The following ASCC1 variants were observed in gnomAD, a reference collection of about 807,000 sequenced individuals.
The protein encoded by ASCC1 is ASC-1 complex subunit P50.
ASCC1 carries 35 observed loss-of-function variants against 46.6 expected under a neutral mutation model. The observed-to-expected ratio is 0.75, with a 90% CI of 0.57 to 0.99. The LOEUF (loss-of-function observed/expected upper bound fraction) is 0.99, where lower values mean the gene tolerates loss of function less well. Among genes scored for constraint, ASCC1 ranks in the 50% least tolerant of loss-of-function variants. ASCC1 has a pLI of 0.00. For synonymous variants in ASCC1, 143 were observed against 146.6 expected (o/e 0.98, Z 0.18); for missense variants, 376 against 428.7 (o/e 0.88, Z 1.09).
At chr10:72,165,908 T>C (rs1850278626) in intron 5 of ASCC1, among the ~76,000 whole-genome samples, 3 of 152,326 alleles carry the variant, frequency 2.0e-5, no homozygotes, top group Admixed American at 2.0e-4. Flanking sequence ...GCAATAACGG[T>C]AATATTTGTT....
At chr10:72,128,902 A>G (rs1034378957) in intron 8 of ASCC1, among the ~76,000 whole-genome samples, 1 of 152,256 alleles carries the variant, frequency 6.6e-6, no homozygotes, top group Admixed American at 6.5e-5. Flanking sequence ...GAGAGTCCAG[A>G]GTACAAAAAA....
chr10:72,199,121 G>A (rs1334862078), intron 4 of ASCC1, among the ~76,000 whole-genome samples: 2 of 149,598 alleles, frequency 1.3e-5, no homozygotes, highest in Non-Finnish European at 3.0e-5. Flanking sequence ...AGCTAATTTT[G>A]TATGTTTATT....
chr10:72,096,392 A>T lies in ASCC1; in HGVS notation c.*942T>A. The T allele has an allele frequency of 2.2e-6, 1 of 454,130 alleles. No homozygotes were observed. Among genetic ancestry groups the T allele is most frequent in the Non-Finnish European group, 4.4e-6 (1 of 226,800 alleles). 28.1% of individuals were successfully genotyped at this position (454,130 alleles called of 1,614,324 possible). A position where few individuals can be genotyped will look rare whatever the true frequency, so the allele number is the denominator to read the frequency against. On this transcript the variant is annotated 3_prime_UTR_variant, in exon 10 of 10. Transcript: ENST00000672957. Reference sequence around the variant, plus strand: ...TGCTGCTGCCTTGAAAAGTAAACAAAAAAGGGCTGCAACACTGCAACTCCA... The same window carrying T: ...TGCTGCTGCCTTGAAAAGTAAACAATAAAGGGCTGCAACACTGCAACTCCA...
chr10:72,111,158 G>A (rs1221334072), intron 9 of ASCC1, among the ~76,000 whole-genome samples: 2 of 152,050 alleles, frequency 1.3e-5, no homozygotes, highest in Non-Finnish European at 2.9e-5. Context: ...TATCATCTCC[G>A]TGCATGTCAC....
chr10:72,204,335 C>G, intron 3 of ASCC1: 1 of 1,508,304 alleles, frequency 6.6e-7, no homozygotes, highest in Non-Finnish European at 9.0e-7. Flanking sequence ...ACAGCCAACT[C>G]TCGACTACCC....
intron 5 of ASCC1, among the ~76,000 whole-genome samples, chr10:72,175,713 C>A (rs556018131): frequency 6.6e-6 from 1 of 152,316 alleles, no homozygotes; most frequent in South Asian, 2.1e-4. Context: ...CATCTCCCCT[C>A]ACTAAAGGAT....
At chr10:72,194,988 C>T (rs1268304613) in intron 5 of ASCC1, among the ~76,000 whole-genome samples, 1 of 151,892 alleles carries the variant, frequency 6.6e-6, no homozygotes, top group East Asian at 1.9e-4. Flanking sequence ...GTGATCAACC[C>T]ACCTCAGCCT....
At chr10:72,157,833 G>C (rs899835728) in intron 6 of ASCC1, among the ~76,000 whole-genome samples, 1 of 152,154 alleles carries the variant, frequency 6.6e-6, no homozygotes, top group African/African-American at 2.4e-5. Context: ...ACTAAGTGGT[G>C]TATTTCTTTT....
intron 9 of ASCC1, among the ~76,000 whole-genome samples, chr10:72,112,855 G>A (rs1209432887): frequency 1.4e-5 from 2 of 139,890 alleles, no homozygotes; most frequent in African/African-American, 5.3e-5. Flanking sequence ...CCCAGCCTGG[G>A]CAACAGAGCT....
At chr10:72,190,523 C>T (rs1458601602) in intron 5 of ASCC1, 18 of 1,561,550 alleles carry the variant, frequency 1.2e-5, no homozygotes, top group Non-Finnish European at 1.5e-5. Flanking sequence ...TGGTGGTTCT[C>T]GCAGGGCAGC....
chr10:72,119,265 T>C (rs1316294118), intron 9 of ASCC1, among the ~76,000 whole-genome samples: 1 of 152,232 alleles, frequency 6.6e-6, no homozygotes, highest in African/African-American at 2.4e-5. Context: ...TTCTGAAATA[T>C]GCCAGACCAC....
intron 7 of ASCC1, chr10:72,133,646 C>A: frequency 4.4e-6 from 1 of 229,512 alleles, no homozygotes; most frequent in Admixed American, 5.2e-5. Flanking sequence ...AGAAAAGGGA[C>A]AATGGAGATG....
At chr10:72,109,294 G>A (rs565485851) in intron 9 of ASCC1, among the ~76,000 whole-genome samples, 12 of 152,242 alleles carry the variant, frequency 7.9e-5, no homozygotes, top group East Asian at 1.9e-4. Flanking sequence ...CAACCCATCA[G>A]CAGGCCACTC....
chr10:72,214,077 G>C (rs1858635168), intron 1 of ASCC1, among the ~76,000 whole-genome samples: 1 of 151,738 alleles, frequency 6.6e-6, no homozygotes, highest in Admixed American at 6.6e-5. Context: ...AAAGGGCCAG[G>C]CATGGTGGCT....
chr10:72,123,070 G>A (rs1048437827), intron 9 of ASCC1, among the ~76,000 whole-genome samples: 4 of 152,174 alleles, frequency 2.6e-5, no homozygotes, highest in African/African-American at 9.7e-5. Flanking sequence ...GGGCGCGGTG[G>A]CTAATGCCTG....
At chr10:72,211,595 G>A (rs974553148) in intron 2 of ASCC1, among the ~76,000 whole-genome samples, 1 of 151,692 alleles carries the variant, frequency 6.6e-6, no homozygotes, top group African/African-American at 2.4e-5. Flanking sequence ...AATTACGGCT[G>A]GGCACGGTGA....
intron 5 of ASCC1, among the ~76,000 whole-genome samples, chr10:72,172,643 G>A (rs1589452082): frequency 6.9e-6 from 1 of 144,298 alleles, no homozygotes; most frequent in South Asian, 2.1e-4. Context: ...ACTGCACCCA[G>A]CCCAATGTTG....
chr10:72,102,251 A>G (rs1464283874), intron 9 of ASCC1: 1 of 1,258,416 alleles, frequency 7.9e-7, no homozygotes, highest in Non-Finnish European at 1.1e-6. Flanking sequence ...CATTGACAGT[A>G]ACAGAACATT....
intron 5 of ASCC1, among the ~76,000 whole-genome samples, chr10:72,174,055 TCA>T (rs1471886100): frequency 6.6e-6 from 1 of 152,222 alleles, no homozygotes; most frequent in Non-Finnish European, 1.5e-5. Flanking sequence ...TCACTAAGCC[TCA>T]GTTTCTTTCT....
Sources: allele counts gnomAD v4.1 joint callset (sites outside exome capture counted in the v4.1 genomes callset), GRCh38; gene constraint gnomAD v4.1.1; transcripts MANE v1.5; gene names NCBI Gene and HGNC (gene_info 2026-07-23, HGNC 2026-07-21).